The following LRRC63 variants were observed in gnomAD, a reference collection of about 807,000 sequenced individuals.
LRRC63 encodes leucine rich repeat containing 63.
A neutral mutation model predicts 49.5 loss-of-function variants in LRRC63; 40 were observed. That is an observed-to-expected ratio of 0.81 (90% CI 0.63 to 1.05). The LOEUF (loss-of-function observed/expected upper bound fraction) is 1.05. Among genes scored for constraint, LRRC63 ranks in the 50% least tolerant of loss-of-function variants. The pLI is 0.00. For missense variants in LRRC63, 636 were observed against 663.1 expected, an observed-to-expected ratio of 0.96 and a Z score of 0.45; for synonymous variants, 191 against 221.1, an observed-to-expected ratio of 0.86 and a Z score of 1.21.
chr13:46,273,911 C>CAAAA (rs34967125), intron 9 of LRRC63, among the ~76,000 whole-genome samples: 2,860 of 100,644 alleles, frequency 0.028, 106 homozygotes, highest in African/African-American at 0.094. Context: ...GACTCTGTCT[C>CAAAA]AAAAAAAAAA....
At chr13:46,265,684 G>A (rs1221674653) in intron 8 of LRRC63, among the ~76,000 whole-genome samples, 2 of 152,178 alleles carry the variant, frequency 1.3e-5, no homozygotes, top group East Asian at 1.9e-4. Flanking sequence ...ATTTTGGGGG[G>A]ACAGAAACAT....
At chr13:46,233,682 A>G (rs984766972) in intron 4 of LRRC63, among the ~76,000 whole-genome samples, 3 of 152,190 alleles carry the variant, frequency 2.0e-5, no homozygotes, top group Non-Finnish European at 4.4e-5. Flanking sequence ...TACTCCTGAG[A>G]TGTTTGTTTG....
In LRRC63 at chr13:46,273,119, G is replaced by A. The variant is rs1306209043; in HGVS notation, c.1551-3471G>A. On this transcript the variant is annotated intron_variant, in intron 9 of 9. Transcript: ENST00000595396. ...AATAAAAGCAGCTGGAGGAGGAGCT[G>A]ATAACAAATAGTTGGGGACATAGGG... is the stretch of plus-strand genomic sequence containing the variant. Among the ~76,000 whole-genome samples, 6 of 152,268 alleles carry A rather than the reference G, an allele frequency of 3.9e-5. No individual in the cohort carries two copies. In the East Asian group the frequency reaches 9.6e-4, roughly 24 times the overall value.
chr13:46,258,635 CCA>C (rs2047562147), intron 7 of LRRC63, among the ~76,000 whole-genome samples: 2 of 149,954 alleles, frequency 1.3e-5, no homozygotes, highest in Non-Finnish European at 3.0e-5. Flanking sequence ...TGGTGAAACC[CCA>C]TCTCTACTAA....
At position 46,218,040 on chromosome 13, in the gene LRRC63, A is replaced by G. The variant is rs957426375; in HGVS notation, c.85+4921A>G. Among the ~76,000 whole-genome samples the G allele has an allele frequency of 9.2e-5, 14 of 152,280 alleles. No individual in the cohort carries two copies. The East Asian group carries it at 1.3e-3, about 15-fold the overall frequency. ...TTCCAATTATGTGGTCAATTTTCGA[A>G]TAAGTGCGACGTGGTGCTGAGAAGA... is the stretch of plus-strand genomic sequence containing the variant. On this transcript the variant is annotated intron_variant, in intron 2 of 9. Coordinates refer to ENST00000595396, the Ensembl canonical transcript of LRRC63.
intron 2 of LRRC63, among the ~76,000 whole-genome samples, chr13:46,219,703 C>G (rs940494250): frequency 6.6e-6 from 1 of 152,206 alleles, no homozygotes; most frequent in Admixed American, 6.5e-5. Flanking sequence ...GAATTTTCAG[C>G]CTTTTTGTGC....
intron 9 of LRRC63, among the ~76,000 whole-genome samples, 197 bp downstream of exon 9, chr13:46,267,169 G>T (rs2047695460): frequency 1.3e-5 from 2 of 152,210 alleles, no homozygotes; most frequent in South Asian, 4.1e-4. Context: ...GCCCCCTTGT[G>T]TGATATTCTC....
intron 1 of LRRC63, 55 bp from the exon 2 acceptor site, chr13:46,212,946 TA>T: frequency 1.2e-6 from 1 of 854,480 alleles, no homozygotes; most frequent in Non-Finnish European, 1.8e-6. Context: ...AAATTCTTAT[TA>T]TTTTTCAACA....
At position 46,269,709 on chromosome 13, in the gene LRRC63, A is replaced by C. The variant is rs371683971; in HGVS notation, c.1550+2737A>C. On this transcript the variant is annotated intron_variant, in intron 9 of 9. Coordinates refer to ENST00000595396, the Ensembl canonical transcript of LRRC63. ...TGACAAAAGTGTAATATTTACATAA[A>C]TATAAGATACTATCAATGAAATTAA... Among the ~76,000 whole-genome samples, 6 of 151,134 alleles carry C rather than the reference A, an allele frequency of 4.0e-5. No individual in the cohort carries two copies. The South Asian group carries it at 1.2e-3, about 31-fold the overall frequency.
Position 46,250,346 on chromosome 13 carries a change from G to C in LRRC63, c.1090-9G>C. ...CCGCTCATGTTTGTTTCTCTTTTCT[G>C]TTCCCCAGATATTATGTCTTAAAAA... On this transcript the variant is annotated splice_polypyrimidine_tract_variant and intron_variant, in intron 6 of 9. Transcript: ENST00000595396. 6.8e-7 allele frequency: 1 copy of C among 1,478,304 alleles called. No homozygotes were observed. Among genetic ancestry groups the C allele is most frequent in the South Asian group, 1.3e-5 (1 of 79,226 alleles). The allele number at this position is 1,478,304 out of a possible 1,614,324, so 91.6% of individuals were successfully genotyped here.
intron 6 of LRRC63, 31 bp from the exon 7 acceptor site, chr13:46,250,324 C>T: frequency 6.9e-7 from 1 of 1,445,054 alleles, no homozygotes; most frequent in African/African-American, 1.4e-5. Context: ...TATTATTCCG[C>T]TCATGTTTGT....
rs764570451 is a variant in LRRC63 at position 46,243,120 on chromosome 13, GAGAT to G, written c.991-3404_991-3401del. 1.6e-4 allele frequency among the ~76,000 whole-genome samples: 24 copies of G among 152,320 alleles called. No homozygotes were observed. In the East Asian group the frequency reaches 4.0e-3, roughly 26 times the overall value. On this transcript the variant is annotated intron_variant, in intron 5 of 9. Coordinates refer to ENST00000595396, the Ensembl canonical transcript of LRRC63. ...AACAACAATTGCAACAGCTGGTTAA[GAGAT>G]AGGCACTATGGAAGGATGTAAGTTG... is the stretch of plus-strand genomic sequence containing the variant.
chr13:46,270,090 G>T (rs571784566), intron 9 of LRRC63: 2 of 609,440 alleles, frequency 3.3e-6, no homozygotes, highest in South Asian at 1.9e-5. Context: ...GCTACCGAGC[G>T]CCAAACCGCA....
intron 2 of LRRC63, among the ~76,000 whole-genome samples, chr13:46,219,896 A>G (rs953144572): frequency 7.2e-5 from 11 of 152,048 alleles, no homozygotes; most frequent in African/African-American, 2.7e-4. Context: ...CTGAAGGGCC[A>G]CTCCAGACCC....
At chr13:46,276,406 A>C (rs1451186426) in intron 9 of LRRC63, among the ~76,000 whole-genome samples, 184 bp from the exon 10 acceptor site, 1 of 152,144 alleles carries the variant, frequency 6.6e-6, no homozygotes, top group African/African-American at 2.4e-5. Flanking sequence ...ATTGTATTAT[A>C]CATATACCTA....
chr13:46,229,725 G>A (rs965179435), intron 4 of LRRC63, among the ~76,000 whole-genome samples: 15 of 152,092 alleles, frequency 9.9e-5, no homozygotes, highest in African/African-American at 1.9e-4. Context: ...TTCGAGGCCC[G>A]CCTGGAACAT....
chr13:46,248,590 A>AT (rs1471955715), intron 6 of LRRC63, among the ~76,000 whole-genome samples: 3 of 152,028 alleles, frequency 2.0e-5, no homozygotes, highest in African/African-American at 7.2e-5. Flanking sequence ...ATAGAACTTT[A>AT]TAAACAAATG....
At chr13:46,224,096 A>C (rs1439323524) in intron 2 of LRRC63, among the ~76,000 whole-genome samples, 1 of 152,192 alleles carries the variant, frequency 6.6e-6, no homozygotes, top group African/African-American at 2.4e-5. Flanking sequence ...TGAATGTCTA[A>C]AATTCTTGCT....
chr13:46,226,453 C>G (rs1159364701), intron 2 of LRRC63, among the ~76,000 whole-genome samples: 3 of 152,174 alleles, frequency 2.0e-5, no homozygotes, highest in African/African-American at 7.2e-5. Context: ...AAATGATTCT[C>G]TTATATTACT....
Sources: gnomAD v4.1 joint callset for allele counts (sites outside exome capture counted in the v4.1 genomes callset) on GRCh38, gnomAD v4.1.1 for gene constraint, MANE v1.5 for transcripts, NCBI Gene and HGNC (gene_info 2026-07-23, HGNC 2026-07-21) for gene names.